CUX1: variants seen among roughly 807,000 people sequenced by gnomAD.
The protein encoded by CUX1 is cut like homeobox 1, also known as protein CASP.
Under a neutral mutation model 158.8 loss-of-function variants are expected in CUX1, and 31 were observed. The ratio of observed to expected loss-of-function variants is 0.20; its 90% CI spans 0.15 to 0.26. CUX1 has a LOEUF of 0.26. Ranked by LOEUF, CUX1 falls within the 10% of genes least tolerant of loss-of-function variation. The pLI is 1.00. For missense variants in CUX1, 1,589 were observed against 2,014.6 expected, an observed-to-expected ratio of 0.79 and a Z score of 4.04; for synonymous variants, 879 against 862.1, an observed-to-expected ratio of 1.02 and a Z score of -0.34.
chr7:102,046,980 C>A (rs932756021), intron 3 of CUX1, among the ~76,000 whole-genome samples: 22 of 152,226 alleles, frequency 1.4e-4, no homozygotes, highest in African/African-American at 5.3e-4. Context: ...GTGTTCCCAC[C>A]CCCAGGATGC....
rs578093389 is a variant in CUX1 at position 102,007,905 on chromosome 7, C to T, written c.142-20193C>T. On this transcript the variant is annotated intron_variant, in intron 2 of 23. Transcript: ENST00000292535. ...GACTACAGGCACCCGCCACCACACC[C>T]GGCTAATTTTTGTATTTTTAGTAGA... Among the ~76,000 whole-genome samples, 4 of 151,962 alleles carry T rather than the reference C, an allele frequency of 2.6e-5. No homozygotes were observed. In the South Asian group the frequency reaches 6.3e-4, roughly 24 times the overall value.
In CUX1 at chr7:101,853,584, G is replaced by GGGGTGT. The variant is rs754780783; in HGVS notation, c.30+35916_30+35917insGGTGTG. Among the ~76,000 whole-genome samples, 428 of 140,868 alleles carry GGGGTGT rather than the reference G, an allele frequency of 3.0e-3. 3 individuals are homozygous for GGGGTGT. The highest frequency in any genetic ancestry group is 0.011 in the African/African-American group (412 of 36,714). 92.4% of individuals were successfully genotyped at this position (140,868 alleles called of 152,430 possible). A position where few individuals can be genotyped will look rare whatever the true frequency, so the allele number is the denominator to read the frequency against. Reference sequence around the variant, plus strand: ...TATATCAGAGCATGGCAATAGAAAGGGTGTGTGTGTGTGTGTGTGTGTGTG... The same window carrying GGGGTGT: ...TATATCAGAGCATGGCAATAGAAAGGGGGTGTGTGTGTGTGTGTGTGTGTGTGTGTG... On this transcript the variant is annotated intron_variant, in intron 1 of 23. Transcript: ENST00000292535.
At chr7:101,999,519 G>A (rs1026492602) in intron 2 of CUX1, among the ~76,000 whole-genome samples, 2 of 152,116 alleles carry the variant, frequency 1.3e-5, no homozygotes, top group Non-Finnish European at 2.9e-5. Flanking sequence ...TTCTTTGATT[G>A]ATGTCGGCTA....
downstream of CUX1, among the ~76,000 whole-genome samples, chr7:102,260,524 C>T (rs926833642): frequency 1.4e-5 from 2 of 148,112 alleles, no homozygotes; most frequent in African/African-American, 5.0e-5. Context: ...CTCCTGCCTC[C>T]GCCTCCCAAG....
chr7:101,860,531 G>T (rs1797325926), intron 1 of CUX1, among the ~76,000 whole-genome samples: 1 of 152,212 alleles, frequency 6.6e-6, no homozygotes, highest in African/African-American at 2.4e-5. Flanking sequence ...GGTGAGCTAA[G>T]TTCAGTGTGT....
At chr7:101,966,458 G>A (rs1017636516) in intron 2 of CUX1, among the ~76,000 whole-genome samples, 2 of 152,164 alleles carry the variant, frequency 1.3e-5, no homozygotes, top group African/African-American at 4.8e-5. Flanking sequence ...GCGCATGATG[G>A]GCACATGGGG....
chr7:102,187,226 G>T (rs896846670), intron 11 of CUX1, among the ~76,000 whole-genome samples: 6 of 151,768 alleles, frequency 4.0e-5, no homozygotes, highest in Admixed American at 6.6e-5. Flanking sequence ...CCAATATCAA[G>T]CCAGGAACCT....
At chr7:101,892,780 G>A (rs1037755148) in intron 1 of CUX1, among the ~76,000 whole-genome samples, 16 of 152,140 alleles carry the variant, frequency 1.1e-4, no homozygotes, top group African/African-American at 3.9e-4. Context: ...AGGGAGAGCT[G>A]TATTTAAATT....
At chr7:102,058,300 G>A (rs1297330967) in intron 3 of CUX1, among the ~76,000 whole-genome samples, 1 of 152,008 alleles carries the variant, frequency 6.6e-6, no homozygotes, top group East Asian at 1.9e-4. Flanking sequence ...CTATTTTTGA[G>A]ACAGTCTCCG....
At chr7:102,275,127 G>T in intron 16 of CUX1, 1 of 696,614 alleles carries the variant, frequency 1.4e-6, no homozygotes, top group Non-Finnish European at 2.5e-6. Flanking sequence ...CAGACACCAT[G>T]TGGCTTCTAC....
At position 101,884,992 on chromosome 7, in the gene CUX1, C is replaced by G. The variant is rs1800081161; in HGVS notation, c.31-31123C>G. ...TCATTTCCTCGCTGGGTTCCAGGCT[C>G]TTTGAAGCACTCGCCTCCTCCCCTC... On this transcript the variant is annotated intron_variant, in intron 1 of 23. Transcript: ENST00000292535. 3.3e-5 allele frequency among the ~76,000 whole-genome samples: 5 copies of G among 152,280 alleles called. No individual in the cohort carries two copies. The Middle Eastern group carries it at 0.017, about 518-fold the overall frequency.
At chr7:102,097,640 C>G (rs1829339363) in intron 5 of CUX1, 139 bp downstream of exon 5, 12 of 893,038 alleles carry the variant, frequency 1.3e-5, no homozygotes, top group Non-Finnish European at 1.5e-5. Flanking sequence ...GGGCAGGAAT[C>G]TGAGTCGTTA....
At chr7:101,930,622 A>T (rs970668951) in intron 2 of CUX1, among the ~76,000 whole-genome samples, 15 of 152,228 alleles carry the variant, frequency 9.9e-5, no homozygotes, top group African/African-American at 3.6e-4. Context: ...CTGGCCTGTT[A>T]TGCAGAGTCT....
chr7:101,848,774 G>A (rs1427286935), intron 1 of CUX1, among the ~76,000 whole-genome samples: 2 of 151,944 alleles, frequency 1.3e-5, no homozygotes, highest in Non-Finnish European at 2.9e-5. Context: ...CACTTAGGGA[G>A]GCAGAGATGG....
At position 102,128,982 on chromosome 7, in the gene CUX1, AAG is replaced by A. The variant is rs1242450825; in HGVS notation, c.674+13713_674+13714del. On this transcript the variant is annotated intron_variant, in intron 8 of 23. Transcript: ENST00000292535. ...AACAGAGACTCTGTTTCAAAAAAAA[AAG>A]AGAAAAGAATGCCACATTAGTGCCT... 9.2e-5 allele frequency among the ~76,000 whole-genome samples: 14 copies of A among 151,896 alleles called. 1 individual carries two copies. The highest frequency in any genetic ancestry group is 7.2e-4 in the Admixed American group (11 of 15,262).
At chr7:102,119,130 G>A (rs574915787) in intron 8 of CUX1, among the ~76,000 whole-genome samples, 172 of 152,308 alleles carry the variant, frequency 1.1e-3, no homozygotes, top group Admixed American at 2.6e-3. Context: ...CTAAGCTGTC[G>A]AGAGATAGAA....
rs1803925966 is a variant in CUX1, at chr7:101,914,436, T to TTCCC, written c.31-1671_31-1668dup. Among the ~76,000 whole-genome samples the TTCCC allele has an allele frequency of 4.1e-5, 5 of 120,766 alleles. No individual in the cohort carries two copies. In the South Asian group the frequency reaches 1.6e-3, roughly 39 times the overall value. The allele number at this position is 120,766 out of a possible 152,430, so 79.2% of individuals were successfully genotyped here. ...CCTCTTTCCCTCCCTCCCTCCGTCC[T>TTCCC]TCCCTCCCTCCGTCCTTCCCTCCTT... On this transcript the variant is annotated intron_variant, in intron 1 of 23. Transcript: ENST00000292535.
rs1554540625 is a variant in CUX1 at position 102,252,781 on chromosome 7, G to A, written c.*3739G>A. ...CCTCCTCTTGAACTTCTGTATCAGT[G>A]AAGACATCTGTGGTTTCTGCTCACC... is the stretch of plus-strand genomic sequence containing the variant. On this transcript the variant is annotated 3_prime_UTR_variant, in exon 24 of 24. Transcript: ENST00000292535. 2.0e-6 allele frequency: 2 copies of A among 985,382 alleles called. No individual in the cohort carries two copies. Among genetic ancestry groups the A allele is most frequent in the Admixed American group, 6.1e-5 (1 of 16,264 alleles). 61.0% of individuals were successfully genotyped at this position (985,382 alleles called of 1,614,324 possible).
At chr7:101,821,563 C>T (rs1231728658) in intron 1 of CUX1, among the ~76,000 whole-genome samples, 2 of 151,254 alleles carry the variant, frequency 1.3e-5, no homozygotes, top group East Asian at 2.0e-4. Flanking sequence ...TGGTCTCGAT[C>T]TCCTCACTTA....
Sources: gnomAD v4.1 joint callset for allele counts (sites outside exome capture counted in the v4.1 genomes callset) on GRCh38, gnomAD v4.1.1 for gene constraint, MANE v1.5 for transcripts, NCBI Gene and HGNC (gene_info 2026-07-23, HGNC 2026-07-21) for gene names.